GAPVD1: variants seen among roughly 807,000 people sequenced by gnomAD.
GAPVD1 encodes GTPase activating protein and VPS9 domains 1.
Under a neutral mutation model 155.5 loss-of-function variants are expected in GAPVD1, and 35 were observed. That is an observed-to-expected ratio of 0.23 (90% CI 0.17 to 0.30). The LOEUF is 0.30. Ranked by LOEUF, GAPVD1 falls within the 10% of genes least tolerant of loss-of-function variation. GAPVD1 has a pLI of 1.00. For synonymous variants in GAPVD1, 636 were observed against 619.7 expected (o/e 1.03, Z -0.39); for missense variants, 1,429 against 1,775.7 (o/e 0.80, Z 3.51).
Position 125,332,059 on chromosome 9 carries a change from C to G in GAPVD1, c.2307C>G (p.Ser769=). 1 of 1,613,822 alleles carries G rather than the reference C, an allele frequency of 6.2e-7. No homozygotes were observed. Among genetic ancestry groups the G allele is most frequent in the South Asian group, 1.1e-5 (1 of 91,032 alleles). Residue 769 remains serine (S), a splice_region_variant and synonymous_variant, in exon 14 of 28, where the codon TCC becomes TCG. Transcript: ENST00000297933. The part of the protein sequence containing the change: ...RPSTPGLSVV[S]GISATSEDIP... ...GCACACCAGGCCTCAGTGTTGTGTCCGGTATGTCTGTCTTGTTTTAAGGAG... is the reference window on the plus strand; with the variant it reads ...GCACACCAGGCCTCAGTGTTGTGTCGGGTATGTCTGTCTTGTTTTAAGGAG...
chr9:125,348,617 A>G (rs1336843587), intron 20 of GAPVD1, among the ~76,000 whole-genome samples: 2 of 149,814 alleles, frequency 1.3e-5, no homozygotes, highest in South Asian at 2.1e-4. Flanking sequence ...AGTTTAAGCA[A>G]CTCTCCTGCC....
rs149893444 is a variant in GAPVD1 at position 125,274,269 on chromosome 9, C to T, written c.-150+5285C>T. On this transcript the variant is annotated intron_variant, in intron 2 of 27. Transcript: ENST00000297933. ...CTGACCTAAAGTGATCTGCCGGCCT[C>T]GGCCTCTCAAAGTGTTGGGATTACA... 6.3e-3 allele frequency among the ~76,000 whole-genome samples: 960 copies of T among 151,932 alleles called. 1 individual carries two copies. The highest frequency in any genetic ancestry group is 0.01 in the Non-Finnish European group (706 of 67,994).
intron 15 of GAPVD1, among the ~76,000 whole-genome samples, chr9:125,332,984 T>C (rs1338019438): frequency 6.6e-6 from 1 of 152,232 alleles, no homozygotes; most frequent in Non-Finnish European, 1.5e-5. Context: ...TATTTTAAAA[T>C]GCATTAAGGA....
At chr9:125,356,131 C>G (rs567806012) in intron 25 of GAPVD1, among the ~76,000 whole-genome samples, 1 of 152,174 alleles carries the variant, frequency 6.6e-6, no homozygotes, top group African/African-American at 2.4e-5. Flanking sequence ...CCTTCCTTCT[C>G]GTGATTAAGT....
chr9:125,350,639 C>A, intron 22 of GAPVD1, 74 bp from the exon 23 acceptor site: 1 of 914,960 alleles, frequency 1.1e-6, no homozygotes, highest in Non-Finnish European at 1.7e-6. Context: ...AATTGACGTC[C>A]CAAATGCTGA....
chr9:125,349,847 A>AG lies in GAPVD1; in HGVS notation c.3299+330dup, dbSNP rs1304422635. 3.9e-3 allele frequency among the ~76,000 whole-genome samples: 586 copies of AG among 151,770 alleles called. 4 individuals are homozygous for AG. Among genetic ancestry groups the AG allele is most frequent in the African/African-American group, 0.013 (551 of 41,340 alleles). On this transcript the variant is annotated intron_variant, in intron 21 of 27. Coordinates refer to ENST00000297933, the MANE Select transcript of GAPVD1 (RefSeq NM_001282680.3). The stretch of plus-strand genomic sequence containing the variant: ...AATCCCATCTCTATAAAAAAGAAAA[A>AG]GGAAAAAAAAAAAAAGAAGAAAGGG...
chr9:125,357,099 C>A (rs1368819877), intron 25 of GAPVD1, among the ~76,000 whole-genome samples: 1 of 152,280 alleles, frequency 6.6e-6, no homozygotes, highest in East Asian at 1.9e-4. Context: ...GATAACAGGG[C>A]ATGAGCCACC....
chr9:125,302,288 G>C lies in GAPVD1; in HGVS notation c.491G>C (p.Ser164Thr). ...TTGATTGAATTTGAACTTAAAGAAA[G>C]TGACAACCCTAGGCGACTTTTGAGG... Reference protein sequence around the residue: ...RYLIEFELKESDNPRRLLRRG... With the variant: ...RYLIEFELKETDNPRRLLRRG... Residue 164 changes from serine to threonine, a missense_variant, in exon 5 of 28, where the codon AGT becomes ACT. Around this residue, in one of 4 missense-constraint regions of GAPVD1, gnomAD observed 628 missense variants for 733.4 expected, o/e 0.86. Coordinates refer to ENST00000297933, the MANE Select transcript of GAPVD1 (RefSeq NM_001282680.3). The C allele has an allele frequency of 1.2e-6, 2 of 1,614,090 alleles. No homozygotes were observed. The highest frequency in any genetic ancestry group is 1.7e-6 in the Non-Finnish European group (2 of 1,179,980).
chr9:125,268,662 G>C (rs1057042848), intron 1 of GAPVD1, among the ~76,000 whole-genome samples: 3 of 151,934 alleles, frequency 2.0e-5, no homozygotes, highest in South Asian at 4.2e-4. Context: ...ACCATGCTTG[G>C]CTAACTTGTA....
At chr9:125,337,181 G>T (rs1313440511) in intron 16 of GAPVD1, 40 bp from the exon 17 acceptor site, 1 of 1,611,370 alleles carries the variant, frequency 6.2e-7, no homozygotes, top group Admixed American at 1.7e-5. Flanking sequence ...TGTTAGATAT[G>T]TTGTGTCTCA....
chr9:125,265,799 G>A (rs1414321706), intron 1 of GAPVD1, among the ~76,000 whole-genome samples: 1 of 147,938 alleles, frequency 6.8e-6, no homozygotes, highest in Non-Finnish European at 1.5e-5. Flanking sequence ...AGGCGTGGTA[G>A]CTCATGCCTA....
At chr9:125,340,170 A>G (rs1847643722) in intron 17 of GAPVD1, among the ~76,000 whole-genome samples, 1 of 152,074 alleles carries the variant, frequency 6.6e-6, no homozygotes, top group South Asian at 2.1e-4. Flanking sequence ...ATAGGCGAGC[A>G]CCACCACGCC....
At chr9:125,323,085 T>C (rs1844609648) in intron 10 of GAPVD1, among the ~76,000 whole-genome samples, 1 of 150,602 alleles carries the variant, frequency 6.6e-6, no homozygotes, top group African/African-American at 2.4e-5. Flanking sequence ...AAAAGCTCTA[T>C]AACAAGCAAC....
chr9:125,302,955 A>G, intron 5 of GAPVD1, 129 bp downstream of exon 5: 6 of 1,049,036 alleles, frequency 5.7e-6, no homozygotes, highest in Non-Finnish European at 8.1e-6. Context: ...AACCAGTCCT[A>G]AGTATTTGCA....
At chr9:125,269,710 CTT>C (rs951306489) in intron 2 of GAPVD1, among the ~76,000 whole-genome samples, 84 of 52,686 alleles carry the variant, frequency 1.6e-3, no homozygotes, top group Non-Finnish European at 1.9e-3. Context: ...CCATGCCTGG[CTT>C]TTTTTTTTTT....
chr9:125,307,961 CAT>C, intron 8 of GAPVD1, 81 bp downstream of exon 8: 3 of 974,494 alleles, frequency 3.1e-6, no homozygotes, highest in African/African-American at 1.6e-5. Flanking sequence ...TGTTTTGGAA[CAT>C]ATGTTTAAGT....
intron 1 of GAPVD1, chr9:125,263,602 G>C: frequency 7.0e-7 from 1 of 1,421,426 alleles, no homozygotes; most frequent in Non-Finnish European, 9.8e-7. Context: ...GGCTGACCAC[G>C]TCCACGACCA....
At chr9:125,270,544 A>G (rs113521842) in intron 2 of GAPVD1, among the ~76,000 whole-genome samples, 1,651 of 152,276 alleles carry the variant, frequency 0.011, 21 homozygotes, top group African/African-American at 0.036. Flanking sequence ...AAGGGTGGTT[A>G]TTTTTTGTTT....
chr9:125,336,787 A>G lies in GAPVD1; in HGVS notation c.2429-231A>G, dbSNP rs1422860938. ...CATTTGGCCATTAGAAGTAACAGGCATGTAGATGCCAGACCACTTAAATGT... is the reference window on the plus strand; with the variant it reads ...CATTTGGCCATTAGAAGTAACAGGCGTGTAGATGCCAGACCACTTAAATGT... On this transcript the variant is annotated intron_variant, in intron 15 of 27. Coordinates refer to ENST00000297933, the MANE Select transcript of GAPVD1 (RefSeq NM_001282680.3). The G allele has an allele frequency of 9.9e-6, 5 of 505,552 alleles. No individual in the cohort carries two copies. In the East Asian group the frequency reaches 1.0e-4, roughly 11 times the overall value. The allele number at this position is 505,552 out of a possible 1,614,324, so 31.3% of individuals were successfully genotyped here.
Sources: allele counts gnomAD v4.1 joint callset (sites outside exome capture counted in the v4.1 genomes callset), GRCh38; gene constraint gnomAD v4.1.1; regional missense constraint gnomAD v4.1.1; transcripts MANE v1.5; gene names NCBI Gene and HGNC (gene_info 2026-07-23, HGNC 2026-07-21).